The following CNTNAP2 variants were observed in gnomAD, a reference collection of about 807,000 sequenced individuals.
The protein encoded by CNTNAP2 is contactin associated protein 2, also known as contactin-associated protein-like 2.
A neutral mutation model predicts 155.2 loss-of-function variants in CNTNAP2; 98 were observed. The observed-to-expected ratio is 0.63, with a 90% CI of 0.54 to 0.75. The LOEUF is 0.75. CNTNAP2 is among the 30% of genes least tolerant of loss of function. The pLI is 0.00. For missense variants in CNTNAP2, 1,727 were observed against 1,688.1 expected (o/e 1.02, Z -0.40); for synonymous variants, 651 against 631.2 (o/e 1.03, Z -0.47).
chr7:147,222,549 A>T (rs904591001), intron 8 of CNTNAP2, among the ~76,000 whole-genome samples: 3 of 152,288 alleles, frequency 2.0e-5, no homozygotes, highest in Non-Finnish European at 4.4e-5. Context: ...CGTGTCTGAT[A>T]ATCCAATATC....
chr7:147,368,296 G>A (rs1310290874), intron 9 of CNTNAP2, among the ~76,000 whole-genome samples: 1 of 151,970 alleles, frequency 6.6e-6, no homozygotes, highest in Non-Finnish European at 1.5e-5. Flanking sequence ...AACTCTCTAA[G>A]CACAGAAGGA....
chr7:148,116,483 C>CCGCA (rs57539994), intron 15 of CNTNAP2, among the ~76,000 whole-genome samples: 4,699 of 152,236 alleles, frequency 0.031, 211 homozygotes, highest in African/African-American at 0.098. Flanking sequence ...CTCTCCAACC[C>CCGCA]CGCACCCCAG....
chr7:146,551,592 A>G (rs1316724093), intron 1 of CNTNAP2, among the ~76,000 whole-genome samples: 1 of 152,070 alleles, frequency 6.6e-6, no homozygotes, highest in Non-Finnish European at 1.5e-5. Context: ...GTACCCTAAA[A>G]CTTAAAGTAT....
intron 21 of CNTNAP2, among the ~76,000 whole-genome samples, chr7:148,373,084 A>G (rs1262016280): frequency 6.6e-6 from 1 of 152,152 alleles, no homozygotes; most frequent in East Asian, 1.9e-4. Flanking sequence ...CTCCTGTGAT[A>G]ACAATGCCTT....
intron 15 of CNTNAP2, among the ~76,000 whole-genome samples, chr7:148,060,038 T>C (rs1172385931): frequency 6.6e-6 from 1 of 151,930 alleles, no homozygotes; most frequent in Non-Finnish European, 1.5e-5. Context: ...ATTTGCAGAG[T>C]TTTTGAACTT....
intron 1 of CNTNAP2, among the ~76,000 whole-genome samples, chr7:146,190,137 G>A (rs930212426): frequency 6.6e-6 from 1 of 152,158 alleles, no homozygotes; most frequent in Admixed American, 6.5e-5. Context: ...AAGAACCCAG[G>A]AAAATGATGC....
chr7:148,230,805 A>G (rs1795948767), intron 20 of CNTNAP2, among the ~76,000 whole-genome samples: 1 of 152,188 alleles, frequency 6.6e-6, no homozygotes, highest in African/African-American at 2.4e-5. Context: ...CAAAGGTGGC[A>G]TAATAAGGTT....
At chr7:148,059,819 G>T (rs984463095) in intron 15 of CNTNAP2, among the ~76,000 whole-genome samples, 1 of 150,838 alleles carries the variant, frequency 6.6e-6, no homozygotes, top group African/African-American at 2.4e-5. Context: ...TACAAAGTCT[G>T]CACTAAGTTA....
intron 19 of CNTNAP2, among the ~76,000 whole-genome samples, chr7:148,227,293 A>G (rs1226510909): frequency 4.6e-5 from 7 of 152,162 alleles, no homozygotes; most frequent in Admixed American, 3.9e-4. Flanking sequence ...AGCAGGGAAG[A>G]CAGAAGTGAG....
At chr7:148,401,379 G>A (rs1243181629) in intron 22 of CNTNAP2, among the ~76,000 whole-genome samples, 1 of 152,178 alleles carries the variant, frequency 6.6e-6, no homozygotes, top group Non-Finnish European at 1.5e-5. Context: ...AAGGCCAGCT[G>A]TCACAATCAA....
rs542359985 is a variant in CNTNAP2 at position 146,846,311 on chromosome 7, GAAAT to G, written c.402+6411_402+6414del. Among the ~76,000 whole-genome samples, 1,246 of 142,980 alleles carry G rather than the reference GAAAT, an allele frequency of 8.7e-3. 13 individuals are homozygous for G. The highest frequency in any genetic ancestry group is 0.031 in the African/African-American group (1,184 of 38,360). The allele number at this position is 142,980 out of a possible 152,430, so 93.8% of individuals were successfully genotyped here. On this transcript the variant is annotated intron_variant, in intron 3 of 23. Coordinates refer to ENST00000361727, the MANE Select transcript of CNTNAP2 (RefSeq NM_014141.6). Reference sequence around the variant, plus strand: ...AATAATTTTATAGATAGCTTATTGAGAAATAAAACACATCAGAATAATCTGCATC... The same window carrying G: ...AATAATTTTATAGATAGCTTATTGAGAAAACACATCAGAATAATCTGCATC...
Position 146,701,052 on chromosome 7 carries a change from A to AGG in CNTNAP2, c.98-73219_98-73218insGG, listed in dbSNP as rs1563194416. Among the ~76,000 whole-genome samples, 6 of 151,714 alleles carry AGG rather than the reference A, an allele frequency of 4.0e-5. No homozygotes were observed. The South Asian group carries it at 6.2e-4, about 16-fold the overall frequency. ...AATATGGAGTCAAGGCTCTGAAAAA[A>AGG]AAAAGTAGATCAAACAAGGATGATT... On this transcript the variant is annotated intron_variant, in intron 1 of 23. Transcript: ENST00000361727.
chr7:147,399,603 T>C (rs1796879117), intron 10 of CNTNAP2, among the ~76,000 whole-genome samples: 1 of 152,112 alleles, frequency 6.6e-6, no homozygotes, highest in African/African-American at 2.4e-5. Flanking sequence ...AGAAAATTAG[T>C]CAAAGGGGCT....
chr7:147,374,033 T>G (rs864323), intron 9 of CNTNAP2, among the ~76,000 whole-genome samples: 47,371 of 151,580 alleles, frequency 0.31, 8,009 homozygotes, highest in East Asian at 0.66. Flanking sequence ...GAGTTTAGTC[T>G]AAAGAATAGA....
intron 1 of CNTNAP2, among the ~76,000 whole-genome samples, chr7:146,625,188 G>T (rs1209924273): frequency 6.6e-6 from 1 of 151,960 alleles, no homozygotes; most frequent in African/African-American, 2.4e-5. Flanking sequence ...TATGGTCAGA[G>T]AGGAAAGGAG....
intron 10 of CNTNAP2, among the ~76,000 whole-genome samples, chr7:147,420,079 A>G (rs1449547617): frequency 2.0e-5 from 3 of 152,190 alleles, no homozygotes; most frequent in African/African-American, 7.2e-5. Context: ...CAAGGTACAA[A>G]AAACAAAAAC....
rs542431630 is a variant in CNTNAP2 at position 147,442,301 on chromosome 7, C to T, written c.1671-43634C>T. On this transcript the variant is annotated intron_variant, in intron 10 of 23. Transcript: ENST00000361727. ...CATGGCCACTGCCACTACAGGTCCT[C>T]AGTGAATACTTCCAGCCTACCAAAA... 3.9e-5 allele frequency among the ~76,000 whole-genome samples: 6 copies of T among 152,314 alleles called. No individual in the cohort carries two copies. The South Asian group carries it at 1.2e-3, about 32-fold the overall frequency.
At chr7:147,599,148 C>T (rs983150836) in intron 12 of CNTNAP2, among the ~76,000 whole-genome samples, 11 of 152,018 alleles carry the variant, frequency 7.2e-5, no homozygotes, top group African/African-American at 2.2e-4. Context: ...AGGGGTTAAA[C>T]GCTTCCATGG....
chr7:146,177,959 C>T (rs1221928938), intron 1 of CNTNAP2, among the ~76,000 whole-genome samples: 1 of 152,174 alleles, frequency 6.6e-6, no homozygotes, highest in Admixed American at 6.5e-5. Context: ...TTCCTCTTAC[C>T]TATGAGAATG....
Sources: allele counts gnomAD v4.1 joint callset (sites outside exome capture counted in the v4.1 genomes callset), GRCh38; gene constraint gnomAD v4.1.1; transcripts MANE v1.5; gene names NCBI Gene and HGNC (gene_info 2026-07-23, HGNC 2026-07-21).